The following FAM50B variants were observed in gnomAD, a reference collection of about 807,000 sequenced individuals.
FAM50B encodes the protein protein FAM50B.
FAM50B carries 9 observed loss-of-function variants against 25.4 expected under a neutral mutation model. The ratio of observed to expected loss-of-function variants is 0.35; its 90% confidence interval spans 0.21 to 0.62. The LOEUF (loss-of-function observed/expected upper bound fraction) is 0.62, where lower values mean the gene tolerates loss of function less well. FAM50B is among the 20% of genes least tolerant of loss of function. The probability of loss-of-function intolerance (pLI) is 0.73; values close to 1 mark genes in which losing one functional copy is unlikely to be tolerated. For synonymous variants in FAM50B, 212 were observed against 204.3 expected, an observed-to-expected ratio of 1.04 and a Z score of -0.32; for missense variants, 372 against 477.9, an observed-to-expected ratio of 0.78 and a Z score of 2.07.
At chr6:3,840,450 G>A in the FAM50B span, among the ~76,000 whole-genome samples, 3 of 146,106 alleles carry the variant, frequency 2.1e-5, no homozygotes, top group South Asian at 2.2e-4. Flanking sequence ...TCCAGCCTGG[G>A]CAACAAGAGC....
At chr6:3,832,613 C>T in the FAM50B span, among the ~76,000 whole-genome samples, 1 of 152,180 alleles carries the variant, frequency 6.6e-6, no homozygotes, top group Non-Finnish European at 1.5e-5. Context: ...GTGAAGGAAC[C>T]ATCTTCCACT....
the FAM50B span, among the ~76,000 whole-genome samples, chr6:3,835,327 T>C: frequency 2.6e-5 from 4 of 152,238 alleles, no homozygotes; most frequent in African/African-American, 9.6e-5. Flanking sequence ...GCCATTGCTG[T>C]TTTGCCAGGT....
the FAM50B span, chr6:3,833,930 C>G: frequency 6.6e-6 from 1 of 152,156 alleles, no homozygotes; most frequent in African/African-American, 2.4e-5. Context: ...CAGAAAGACT[C>G]TCAACTGATA....
At chr6:3,837,757 G>A in the FAM50B span, among the ~76,000 whole-genome samples, 3 of 150,916 alleles carry the variant, frequency 2.0e-5, no homozygotes, top group Non-Finnish European at 4.4e-5. Context: ...CACAGAGAGA[G>A]AGGGGGCCAC....
intron 1 of FAM50B, 140 bp downstream of exon 1, chr6:3,849,626 G>A: frequency 9.6e-7 from 1 of 1,037,944 alleles, no homozygotes. Flanking sequence ...CTGGAAATTG[G>A]TGCCTGGTGA....
rs1762216072 is a variant in FAM50B, at chr6:3,851,038, G to A, written c.*249G>A. On this transcript the variant is annotated 3_prime_UTR_variant, in exon 2 of 2. Coordinates refer to ENST00000648326, the MANE Select transcript of FAM50B (RefSeq NM_012135.3). Reference sequence around the variant, plus strand: ...CTCTGCTGAGCTGTATTGAAACCATGACTGGGCCCACTGTCAGACAGAAAT... The same window carrying A: ...CTCTGCTGAGCTGTATTGAAACCATAACTGGGCCCACTGTCAGACAGAAAT... 1.8e-6 allele frequency: 1 copy of A among 552,082 alleles called. No individual in the cohort carries two copies. 34.2% of individuals were successfully genotyped at this position (552,082 alleles called of 1,614,324 possible).
chr6:3,836,116 T>C, the FAM50B span, among the ~76,000 whole-genome samples: 1 of 152,190 alleles, frequency 6.6e-6, no homozygotes, highest in Non-Finnish European at 1.5e-5. Context: ...ATGTACATCA[T>C]GCCAGACCCT....
At chr6:3,832,719 G>A in the FAM50B span, among the ~76,000 whole-genome samples, 1 of 152,180 alleles carries the variant, frequency 6.6e-6, no homozygotes, top group Admixed American at 6.5e-5. Flanking sequence ...GTGAACCCAG[G>A]CTAAGAGAGA....
rs930238894 is a variant in FAM50B, at chr6:3,851,027, A to C, written c.*238A>C. 1.7e-6 allele frequency: 1 copy of C among 601,530 alleles called. No homozygotes were observed. Among genetic ancestry groups the C allele is most frequent in the Non-Finnish European group, 2.9e-6 (1 of 348,570 alleles). The allele number at this position is 601,530 out of a possible 1,614,324, so 37.3% of individuals were successfully genotyped here. A position where few individuals can be genotyped will look rare whatever the true frequency, so the allele number is the denominator to read the frequency against. ...TTGCTGCATTGCTCTGCTGAGCTGT[A>C]TTGAAACCATGACTGGGCCCACTGT... On this transcript the variant is annotated 3_prime_UTR_variant, in exon 2 of 2. Transcript: ENST00000648326.
the FAM50B span, among the ~76,000 whole-genome samples, chr6:3,834,843 T>C: frequency 6.6e-6 from 1 of 152,168 alleles, no homozygotes; most frequent in Non-Finnish European, 1.5e-5. Context: ...TTTGAGGATA[T>C]TAAACAACAT....
At chr6:3,832,605 G>A in the FAM50B span, among the ~76,000 whole-genome samples, 1 of 152,190 alleles carries the variant, frequency 6.6e-6, no homozygotes, top group African/African-American at 2.4e-5. Context: ...AACATCCTGT[G>A]AAGGAACCAT....
upstream of FAM50B, among the ~76,000 whole-genome samples, chr6:3,848,205 T>TA (rs1762144513): frequency 1.3e-5 from 2 of 152,194 alleles, no homozygotes; most frequent in Non-Finnish European, 2.9e-5. Context: ...CTTCAATTTG[T>TA]AAAAACAAAA....
At chr6:3,832,785 C>A in the FAM50B span, among the ~76,000 whole-genome samples, 1 of 152,130 alleles carries the variant, frequency 6.6e-6, no homozygotes, top group Non-Finnish European at 1.5e-5. Context: ...TGCTGTTCTG[C>A]CCACAGTAAG....
At chr6:3,837,773 A>T in the FAM50B span, among the ~76,000 whole-genome samples, 1 of 144,504 alleles carries the variant, frequency 6.9e-6, no homozygotes, top group African/African-American at 2.5e-5. Flanking sequence ...GCCACAAGAG[A>T]GAGCTGAACT....
At chr6:3,839,397 T>A in the FAM50B span, among the ~76,000 whole-genome samples, 10 of 152,210 alleles carry the variant, frequency 6.6e-5, 1 homozygote, top group South Asian at 1.9e-3. Context: ...TCCTCCCACA[T>A]TGGGATCCAT....
the FAM50B span, among the ~76,000 whole-genome samples, chr6:3,837,235 G>A: frequency 3.5e-4 from 53 of 152,256 alleles, no homozygotes; most frequent in Admixed American, 3.1e-3. Flanking sequence ...ATAAATTGAA[G>A]TTCATCAAAA....
chr6:3,848,909 A>G (rs993941428), upstream of FAM50B, among the ~76,000 whole-genome samples: 1 of 151,968 alleles, frequency 6.6e-6, no homozygotes, highest in East Asian at 2.0e-4. Context: ...GCCATAAGAA[A>G]GAATTACAGG....
chr6:3,848,729 A>T (rs925555484), upstream of FAM50B, among the ~76,000 whole-genome samples: 36 of 152,306 alleles, frequency 2.4e-4, no homozygotes, highest in African/African-American at 7.9e-4. Context: ...GGCATGTTAG[A>T]GGCTCACAGT....
At chr6:3,849,330 T>G (rs1762165954), upstream of FAM50B, 2 of 154,538 alleles carry the variant, frequency 1.3e-5, no homozygotes. Flanking sequence ...AGCCTGGCAC[T>G]CTCCTCAGGG....
Sources: gnomAD v4.1 joint callset for allele counts (sites outside exome capture counted in the v4.1 genomes callset) on GRCh38, gnomAD v4.1.1 for gene constraint, MANE v1.5 for transcripts, NCBI Gene and HGNC (gene_info 2026-07-23, HGNC 2026-07-21) for gene names.